Variants in TRAPPC9 observed in about 807,000 individuals in gnomAD.
The protein encoded by TRAPPC9 is trafficking protein particle complex subunit 9.
Under a neutral mutation model 124.0 loss-of-function variants are expected in TRAPPC9, and 83 were observed. The ratio of observed to expected loss-of-function variants is 0.67; its 90% CI spans 0.56 to 0.80. The LOEUF (loss-of-function observed/expected upper bound fraction) is 0.80. TRAPPC9 is among the 30% of genes least tolerant of loss of function. TRAPPC9 has a pLI of 0.00. For missense variants in TRAPPC9, 1,302 were observed against 1,508.3 expected, an observed-to-expected ratio of 0.86 and a Z score of 2.27; for synonymous variants, 638 against 617.5, an observed-to-expected ratio of 1.03 and a Z score of -0.49.
At chr8:139,737,477 C>CCCCG in intron 21 of TRAPPC9, among the ~76,000 whole-genome samples, 1 of 130,020 alleles carries the variant, frequency 7.7e-6, no homozygotes, top group Admixed American at 7.3e-5. Context: ...CCCCCCCCCC[C>CCCCG]CACGGAAAAC....
chr8:140,440,019 T>C (rs548853324), intron 2 of TRAPPC9, among the ~76,000 whole-genome samples: 2 of 152,366 alleles, frequency 1.3e-5, no homozygotes, highest in East Asian at 1.9e-4. Context: ...AATCCTATCA[T>C]GTGTAACTCT....
chr8:139,857,814 G>A (rs1276160823), intron 21 of TRAPPC9, among the ~76,000 whole-genome samples: 4 of 152,248 alleles, frequency 2.6e-5, no homozygotes, highest in Non-Finnish European at 4.4e-5. Flanking sequence ...CCCAAAAAAG[G>A]TGCAATGGAC....
Position 139,788,017 on chromosome 8 carries a change from C to T in TRAPPC9, c.3056-55815G>A, listed in dbSNP as rs939827175. On this transcript the variant is annotated intron_variant, in intron 21 of 22. Transcript: ENST00000438773. The surrounding 1 kb of genome is among the most constrained non-coding windows in gnomAD (Gnocchi z 4.9). ...GGGCATCTGACCCTGTGGCGTCCTCCACCACTGCCAACCATGGTACTACAA... is the reference window on the plus strand; with the variant it reads ...GGGCATCTGACCCTGTGGCGTCCTCTACCACTGCCAACCATGGTACTACAA... Among the ~76,000 whole-genome samples, 1 of 152,180 alleles carries T rather than the reference C, an allele frequency of 6.6e-6. No homozygotes were observed. The highest frequency in any genetic ancestry group is 2.4e-5 in the African/African-American group (1 of 41,428).
intron 17 of TRAPPC9, among the ~76,000 whole-genome samples, chr8:140,046,101 T>G (rs1841576456): frequency 6.6e-6 from 1 of 152,182 alleles, no homozygotes; most frequent in South Asian, 2.1e-4. Flanking sequence ...AACACCTGGA[T>G]AAGAGCTGAG....
intron 10 of TRAPPC9, chr8:140,302,610 G>A (rs1044736162): frequency 1.3e-5 from 2 of 152,270 alleles, no homozygotes; most frequent in African/African-American, 4.8e-5. Context: ...GCCGCGCAGA[G>A]CACCGCAGAG....
At position 140,317,993 on chromosome 8, in the gene TRAPPC9, A is replaced by G. The variant is rs76627256; in HGVS notation, c.1496-6619T>C. ...AAATGTCACCAAAAAATAATTATTA[A>G]TGTTTTAAGTATAATATTGTAGTTA... is the stretch of plus-strand genomic sequence containing the variant. On this transcript the variant is annotated intron_variant, in intron 9 of 22. Transcript: ENST00000438773. 1.5e-3 allele frequency among the ~76,000 whole-genome samples: 221 copies of G among 152,348 alleles called. 3 individuals are homozygous for G. In the East Asian group the frequency reaches 0.036, roughly 25 times the overall value.
chr8:139,988,874 C>T, intron 18 of TRAPPC9, 38 bp from the exon 19 acceptor site: 2 of 1,358,822 alleles, frequency 1.5e-6, no homozygotes, highest in Non-Finnish European at 2.1e-6. Flanking sequence ...AATCCTCTGA[C>T]AGCCAAAGAG....
chr8:140,300,318 C>T, intron 11 of TRAPPC9, 151 bp downstream of exon 11: 1 of 989,186 alleles, frequency 1.0e-6, no homozygotes, highest in Non-Finnish European at 1.6e-6. Flanking sequence ...CATGCACACA[C>T]ATATACACAC....
chr8:139,973,975 G>A (rs1836272996), intron 19 of TRAPPC9, among the ~76,000 whole-genome samples: 1 of 152,226 alleles, frequency 6.6e-6, no homozygotes, highest in African/African-American at 2.4e-5. Flanking sequence ...AGCAAGGGCA[G>A]AGTACCAAAG....
intron 17 of TRAPPC9, among the ~76,000 whole-genome samples, chr8:140,073,627 T>C (rs958073277): frequency 1.3e-5 from 2 of 152,232 alleles, no homozygotes; most frequent in Non-Finnish European, 2.9e-5. Flanking sequence ...AATGTATCCA[T>C]CCATCCAAAC....
intron 7 of TRAPPC9, among the ~76,000 whole-genome samples, chr8:140,381,981 T>C (rs1330776193): frequency 3.3e-5 from 5 of 152,232 alleles, no homozygotes; most frequent in Admixed American, 3.3e-4. Context: ...CAAACACTTG[T>C]ACATTCCCAC....
At chr8:139,966,952 T>C (rs772833961) in intron 19 of TRAPPC9, among the ~76,000 whole-genome samples, 6 of 152,028 alleles carry the variant, frequency 3.9e-5, no homozygotes, top group African/African-American at 7.2e-5. Context: ...CATATTAACA[T>C]AGGGTAAGAA....
At chr8:140,225,715 C>A (rs961916876) in intron 16 of TRAPPC9, among the ~76,000 whole-genome samples, 5 of 152,154 alleles carry the variant, frequency 3.3e-5, no homozygotes, top group African/African-American at 1.2e-4. Flanking sequence ...CCCAGTAAGC[C>A]GTCCTCTGTT....
intron 17 of TRAPPC9, among the ~76,000 whole-genome samples, chr8:140,201,252 T>A (rs1022545686): frequency 6.6e-6 from 1 of 152,212 alleles, no homozygotes. Context: ...CCAGTTTGCT[T>A]CCTCTAAGCT....
intron 9 of TRAPPC9, among the ~76,000 whole-genome samples, chr8:140,347,731 G>C (rs2067393704): frequency 6.6e-6 from 1 of 152,206 alleles, no homozygotes. Context: ...TCCTACTGTA[G>C]TAGTCTTAAA....
chr8:140,229,945 T>C (rs964272927), intron 16 of TRAPPC9, among the ~76,000 whole-genome samples: 3 of 152,304 alleles, frequency 2.0e-5, no homozygotes, highest in African/African-American at 7.2e-5. Flanking sequence ...CCTTTAAAGT[T>C]GCAGCCCTAA....
At chr8:139,802,144 GT>G (rs1450434859) in intron 21 of TRAPPC9, among the ~76,000 whole-genome samples, 2 of 152,188 alleles carry the variant, frequency 1.3e-5, no homozygotes, top group Non-Finnish European at 2.9e-5. Context: ...AACGGCATGG[GT>G]CACCTGAGCA....
chr8:140,233,788 T>G (rs994255255), intron 16 of TRAPPC9, among the ~76,000 whole-genome samples: 2 of 150,394 alleles, frequency 1.3e-5, no homozygotes, highest in Admixed American at 6.6e-5. Flanking sequence ...TACCCTACCC[T>G]TTTCACCTAT....
In TRAPPC9 at chr8:140,013,572, A is replaced by G. The variant is rs115859689; in HGVS notation, c.2699+10365T>C. 1.0e-3 allele frequency among the ~76,000 whole-genome samples: 158 copies of G among 152,306 alleles called. 1 individual carries two copies. The highest frequency in any genetic ancestry group is 3.2e-3 in the African/African-American group (134 of 41,572). The stretch of plus-strand genomic sequence containing the variant: ...TGGCTGCCTTCAGAGAGCTGACCAT[A>G]GGTGAAAGGGAGGCCAACAAAGGCT... On this transcript the variant is annotated intron_variant, in intron 18 of 22. Coordinates refer to ENST00000438773, the MANE Select transcript of TRAPPC9 (RefSeq NM_001160372.4).
Sources: allele counts gnomAD v4.1 joint callset (sites outside exome capture counted in the v4.1 genomes callset), GRCh38; gene constraint gnomAD v4.1.1; non-coding constraint Gnocchi (gnomAD v3.1); transcripts MANE v1.5; gene names NCBI Gene and HGNC (gene_info 2026-07-23, HGNC 2026-07-21).